Variants in NT5DC3 observed in about 807,000 individuals in gnomAD.
NT5DC3 encodes the protein 5'-nucleotidase domain containing 3.
A neutral mutation model predicts 67.8 loss-of-function variants in NT5DC3; 42 were observed. That is an observed-to-expected ratio of 0.62 (90% CI 0.48 to 0.80). NT5DC3 has a LOEUF of 0.80. NT5DC3 is among the 30% of genes least tolerant of loss of function. NT5DC3 has a pLI of 0.00. For missense variants in NT5DC3, 570 were observed against 696.4 expected (o/e 0.82, Z 2.04); for synonymous variants, 237 against 255.6 (o/e 0.93, Z 0.69).
At chr12:103,782,850 G>A (rs1885612041) in intron 12 of NT5DC3, among the ~76,000 whole-genome samples, 1 of 152,174 alleles carries the variant, frequency 6.6e-6, no homozygotes, top group East Asian at 1.9e-4. Context: ...GCTGGGCGTG[G>A]TGGCACAAGC....
chr12:103,804,518 C>T (rs117074003), intron 4 of NT5DC3, among the ~76,000 whole-genome samples: 3,818 of 152,086 alleles, frequency 0.025, 65 homozygotes, highest in Middle Eastern at 0.041. Flanking sequence ...AGACAAGCAA[C>T]CAAACCAGAT....
Position 103,806,915 on chromosome 12 carries a change from G to C in NT5DC3, c.408C>G (p.Ile136Met). The C allele has an allele frequency of 6.3e-7, 1 of 1,599,800 alleles. No homozygotes were observed. The highest frequency in any genetic ancestry group is 8.6e-7 in the Non-Finnish European group (1 of 1,167,012). The change falls in exon 3 of 14, where the codon ATC becomes ATG. Residue 136 changes from isoleucine to methionine, a missense_variant. Physicochemically the swap from Ile to Met is conservative, Grantham distance 10 (BLOSUM62 1). Coordinates refer to ENST00000392876, the MANE Select transcript of NT5DC3 (RefSeq NM_001031701.3). ...LINEHRYPAEIRKYEYDPNFA... is the reference protein window; with the variant it reads ...LINEHRYPAEMRKYEYDPNFA... ...AATTTGGGTCATACTCATACTTCCTGATTTCTGCTGGATACTAAGAAAGAA... is the reference window on the plus strand; with the variant it reads ...AATTTGGGTCATACTCATACTTCCTCATTTCTGCTGGATACTAAGAAAGAA...
At chr12:103,771,416 CAT>C (rs778040362), downstream of NT5DC3, 1 of 152,194 alleles carries the variant, frequency 6.6e-6, no homozygotes, top group Non-Finnish European at 1.5e-5. Flanking sequence ...AAATTATAAA[CAT>C]GTTTCCACCT....
At chr12:103,818,229 AGG>A (rs1887343943) in intron 1 of NT5DC3, among the ~76,000 whole-genome samples, 1 of 152,212 alleles carries the variant, frequency 6.6e-6, no homozygotes, top group South Asian at 2.1e-4. Flanking sequence ...GTCATTATGA[AGG>A]CACATGTATG....
the NT5DC3 span, chr12:103,761,353 C>G: frequency 6.2e-7 from 1 of 1,614,124 alleles, no homozygotes; most frequent in Non-Finnish European, 8.5e-7. Context: ...ACATCTTTGC[C>G]TCCAATGGGA....
the NT5DC3 span, among the ~76,000 whole-genome samples, chr12:103,748,772 A>C: frequency 6.6e-6 from 1 of 152,158 alleles, no homozygotes; most frequent in African/African-American, 2.4e-5. Flanking sequence ...TGCATCTATG[A>C]GGGTGTCACA....
the NT5DC3 span, among the ~76,000 whole-genome samples, chr12:103,749,841 C>CAAA: frequency 1.6e-3 from 82 of 51,162 alleles, 7 homozygotes; most frequent in East Asian, 1.9e-3. Flanking sequence ...CTCTGTCTCA[C>CAAA]AAAAAAAAAA....
intron 1 of NT5DC3, among the ~76,000 whole-genome samples, chr12:103,820,554 C>A (rs1887449785): frequency 6.6e-6 from 1 of 152,148 alleles, no homozygotes; most frequent in South Asian, 2.1e-4. Context: ...ACTTTGTCTT[C>A]TTTAATGCTC....
the NT5DC3 span, chr12:103,759,156 G>GC: frequency 4.3e-6 from 7 of 1,614,142 alleles, no homozygotes; most frequent in Non-Finnish European, 5.9e-6. Context: ...GGGACATCGA[G>GC]CACCACCTCG....
the NT5DC3 span, chr12:103,753,194 G>A: frequency 3.7e-5 from 60 of 1,612,646 alleles, no homozygotes; most frequent in East Asian, 1.3e-3. Context: ...GGCTGACCTG[G>A]GCGATTCCTC....
chr12:103,796,850 G>C, intron 6 of NT5DC3, 44 bp downstream of exon 6: 1 of 1,609,556 alleles, frequency 6.2e-7, no homozygotes, highest in Non-Finnish European at 8.5e-7. Flanking sequence ...CACTGAAAAG[G>C]CTGAAACAGA....
intron 4 of NT5DC3, among the ~76,000 whole-genome samples, chr12:103,803,860 C>G (rs914847269): frequency 2.3e-5 from 2 of 85,140 alleles, no homozygotes; most frequent in African/African-American, 1.1e-4. Context: ...TTCATTACCA[C>G]CCCCCCCCCA....
chr12:103,751,448 T>A, the NT5DC3 span, among the ~76,000 whole-genome samples: 1 of 152,118 alleles, frequency 6.6e-6, no homozygotes, highest in African/African-American at 2.4e-5. Flanking sequence ...AGCCATGACA[T>A]AAAGTTTCCA....
chr12:103,831,658 T>C (rs565312847), intron 1 of NT5DC3, among the ~76,000 whole-genome samples: 12 of 152,190 alleles, frequency 7.9e-5, no homozygotes, highest in Non-Finnish European at 1.6e-4. Context: ...TGTGTGTGTG[T>C]GCGCCCAATG....
intron 9 of NT5DC3, 193 bp from the exon 10 acceptor site, chr12:103,789,112 G>T: frequency 1.8e-6 from 1 of 541,332 alleles, no homozygotes; most frequent in South Asian, 2.7e-5. Flanking sequence ...AGTATCCAAA[G>T]GTGTTCCACG....
chr12:103,835,252 C>T (rs576922038), intron 1 of NT5DC3, among the ~76,000 whole-genome samples: 1 of 152,212 alleles, frequency 6.6e-6, no homozygotes, highest in East Asian at 1.9e-4. Flanking sequence ...TTCACACAGA[C>T]TTCAACAAGA....
intron 1 of NT5DC3, among the ~76,000 whole-genome samples, chr12:103,837,035 C>G (rs1186636804): frequency 6.6e-6 from 1 of 152,268 alleles, no homozygotes; most frequent in African/African-American, 2.4e-5. Flanking sequence ...GTCTCTGCAG[C>G]AAACTTTTGC....
At chr12:103,818,381 C>CTT (rs775516672) in intron 1 of NT5DC3, among the ~76,000 whole-genome samples, 1 of 142,654 alleles carries the variant, frequency 7.0e-6, no homozygotes, top group African/African-American at 2.6e-5. Context: ...CGACCATGGC[C>CTT]TTTTTTTTTT....
chr12:103,828,833 G>T (rs1175408200), intron 1 of NT5DC3, among the ~76,000 whole-genome samples: 1 of 151,862 alleles, frequency 6.6e-6, no homozygotes, highest in African/African-American at 2.4e-5. Context: ...CAAGTAGCTG[G>T]GATTACAGGT....
Sources: allele counts gnomAD v4.1 joint callset (sites outside exome capture counted in the v4.1 genomes callset), GRCh38; gene constraint gnomAD v4.1.1; transcripts MANE v1.5; gene names NCBI Gene and HGNC (gene_info 2026-07-23, HGNC 2026-07-21).